The following BAZ2B variants were observed in gnomAD, a reference collection of about 807,000 sequenced individuals.
BAZ2B encodes the protein bromodomain adjacent to zinc finger domain protein 2B.
In BAZ2B, 91 loss-of-function variants were observed where a neutral mutation model predicts 246.0. The ratio of observed to expected loss-of-function variants is 0.37; its 90% confidence interval spans 0.31 to 0.44. BAZ2B has a LOEUF of 0.44. Ranked by LOEUF, BAZ2B falls within the 20% of genes least tolerant of loss-of-function variation. The probability of loss-of-function intolerance (pLI) is 1.00; values close to 1 mark genes in which losing one functional copy is unlikely to be tolerated. For synonymous variants in BAZ2B, 855 were observed against 860.0 expected (o/e 0.99, Z 0.10); for missense variants, 2,332 against 2,533.7 (o/e 0.92, Z 1.71).
At chr2:159,338,534 G>A (rs747170488) in intron 31 of BAZ2B, among the ~76,000 whole-genome samples, 1 of 152,148 alleles carries the variant, frequency 6.6e-6, no homozygotes, top group Non-Finnish European at 1.5e-5. Flanking sequence ...ATACATGTAT[G>A]TTGACTGAAC....
rs35253250 is a variant in BAZ2B, at chr2:159,553,392, C to CAAA, written c.-3+2428_-3+2430dup. Among the ~76,000 whole-genome samples, 74 of 73,776 alleles carry CAAA rather than the reference C, an allele frequency of 1.0e-3. 1 individual carries two copies. The highest frequency in any genetic ancestry group is 2.1e-3 in the African/African-American group (40 of 18,632). 48.4% of individuals were successfully genotyped at this position (73,776 alleles called of 152,430 possible). A position where few individuals can be genotyped will look rare whatever the true frequency, so the allele number is the denominator to read the frequency against. Reference sequence around the variant, plus strand: ...CCTGGGCAAGAGTGAGACTCTGTCTCAAAAAAAAAAAAAAAAAAAAAAAAG... The same window carrying CAAA: ...CCTGGGCAAGAGTGAGACTCTGTCTCAAAAAAAAAAAAAAAAAAAAAAAAAAAG... On this transcript the variant is annotated intron_variant, in intron 2 of 36. Coordinates refer to ENST00000392783, the MANE Select transcript of BAZ2B (RefSeq NM_013450.4).
chr2:159,365,934 A>G (rs528399184), intron 27 of BAZ2B, among the ~76,000 whole-genome samples: 1 of 152,352 alleles, frequency 6.6e-6, no homozygotes, highest in South Asian at 2.1e-4. Context: ...AATCCTCTGC[A>G]GCGATCCCAC....
chr2:159,604,932 T>TTGTGTGTGTGTG (rs144735173), intron 1 of BAZ2B, among the ~76,000 whole-genome samples: 112 of 123,376 alleles, frequency 9.1e-4, no homozygotes, highest in African/African-American at 2.0e-3. Context: ...TTAATATATT[T>TTGTGTGTGTGTG]TGTGTGTGTG....
rs1354661344 is a variant in BAZ2B, at chr2:159,319,731, T to C, written c.*534A>G. ...GTGTAAACAGTTTAACTTGGCTTTGTTTTATATTTTAAAACATTCCTTGTA... is the reference window on the plus strand; with the variant it reads ...GTGTAAACAGTTTAACTTGGCTTTGCTTTATATTTTAAAACATTCCTTGTA... On this transcript the variant is annotated 3_prime_UTR_variant, in exon 37 of 37. Transcript: ENST00000392783. The surrounding 1 kb of genome is among the most constrained non-coding windows in gnomAD (Gnocchi z 4.0). 2 of 152,660 alleles carry C rather than the reference T, an allele frequency of 1.3e-5. No individual in the cohort carries two copies. The highest frequency in any genetic ancestry group is 2.9e-5 in the Non-Finnish European group (2 of 68,038). The allele number at this position is 152,660 out of a possible 1,614,324, so 9.5% of individuals were successfully genotyped here.
At chr2:159,439,774 T>G (rs1428204842) in intron 6 of BAZ2B, among the ~76,000 whole-genome samples, 1 of 151,918 alleles carries the variant, frequency 6.6e-6, no homozygotes, top group Non-Finnish European at 1.5e-5. Context: ...GAAGATAAAG[T>G]AGGGTAGCAA....
At chr2:159,540,454 G>C (rs930549041) in intron 2 of BAZ2B, among the ~76,000 whole-genome samples, 2 of 152,174 alleles carry the variant, frequency 1.3e-5, no homozygotes, top group African/African-American at 2.4e-5. Context: ...TGTCTCATAA[G>C]ATCACCTCAG....
At chr2:159,405,331 C>A (rs1479338713) in intron 14 of BAZ2B, among the ~76,000 whole-genome samples, 2 of 152,162 alleles carry the variant, frequency 1.3e-5, no homozygotes, top group East Asian at 3.9e-4. Flanking sequence ...CCTGCCTCAG[C>A]CTCCCAAGTA....
At chr2:159,541,819 G>A (rs536958885) in intron 2 of BAZ2B, among the ~76,000 whole-genome samples, 1 of 152,126 alleles carries the variant, frequency 6.6e-6, no homozygotes, top group African/African-American at 2.4e-5. Context: ...ATTTCAGCCT[G>A]AAGATCTCCC....
intron 2 of BAZ2B, among the ~76,000 whole-genome samples, chr2:159,495,574 T>C (rs1178114931): frequency 6.6e-6 from 1 of 150,666 alleles, no homozygotes; most frequent in Non-Finnish European, 1.5e-5. Flanking sequence ...GAATCCAATA[T>C]TAATTATAGA....
At chr2:159,611,210 T>C (rs1014004604) in intron 1 of BAZ2B, among the ~76,000 whole-genome samples, 1 of 151,934 alleles carries the variant, frequency 6.6e-6, no homozygotes, top group Admixed American at 6.6e-5. Flanking sequence ...ACAGGATGTT[T>C]ATGTGTAGTA....
chr2:159,676,952 TTATATATATATATATATATATA>T, the BAZ2B span, among the ~76,000 whole-genome samples: 540 of 117,816 alleles, frequency 4.6e-3, 7 homozygotes, highest in African/African-American at 0.011. Flanking sequence ...AATAGTTTTG[TTATATATATATATATATATATA>T]TATATATATA....
intron 2 of BAZ2B, among the ~76,000 whole-genome samples, chr2:159,524,184 C>A (rs924820579): frequency 6.6e-6 from 1 of 152,048 alleles, no homozygotes; most frequent in Non-Finnish European, 1.5e-5. Flanking sequence ...TCTTGGGAGA[C>A]CAACGTGGGA....
the BAZ2B span, chr2:159,712,415 G>C: frequency 1.3e-5 from 2 of 152,996 alleles, no homozygotes; most frequent in Admixed American, 6.5e-5. Flanking sequence ...GCAGCTCTCG[G>C]TCCCCGCCGC....
At chr2:159,546,394 C>A (rs913463038) in intron 2 of BAZ2B, among the ~76,000 whole-genome samples, 5 of 151,066 alleles carry the variant, frequency 3.3e-5, no homozygotes, top group Admixed American at 1.3e-4. Context: ...CTGAGGTCTC[C>A]CCAGCCACGT....
chr2:159,482,194 A>C (rs1434837204), intron 2 of BAZ2B, among the ~76,000 whole-genome samples: 1 of 151,876 alleles, frequency 6.6e-6, no homozygotes, highest in African/African-American at 2.4e-5. Flanking sequence ...ATACATATGC[A>C]TTGAAGTTAA....
At chr2:159,551,951 A>G (rs1021277595) in intron 2 of BAZ2B, among the ~76,000 whole-genome samples, 1 of 152,202 alleles carries the variant, frequency 6.6e-6, no homozygotes, top group Non-Finnish European at 1.5e-5. Context: ...TAGAAAAGAA[A>G]AAATTGGGTC....
intron 3 of BAZ2B, among the ~76,000 whole-genome samples, chr2:159,474,145 T>C (rs1198407044): frequency 6.6e-6 from 1 of 151,936 alleles, no homozygotes; most frequent in Non-Finnish European, 1.5e-5. Context: ...TGATCTAATA[T>C]TGGAAGTGGG....
At chr2:159,362,166 GA>G (rs11354532) in intron 27 of BAZ2B, among the ~76,000 whole-genome samples, 115,617 of 151,582 alleles carry the variant, frequency 0.76, 45,199 homozygotes, top group Non-Finnish European at 0.87. Context: ...AACTGGACTG[GA>G]AAAAAAAATC....
chr2:159,634,628 C>T, the BAZ2B span, among the ~76,000 whole-genome samples: 2 of 152,158 alleles, frequency 1.3e-5, no homozygotes, highest in Non-Finnish European at 2.9e-5. Context: ...AATTTAGCAA[C>T]TGTGTGGTTT....
Sources: gnomAD v4.1 joint callset for allele counts (sites outside exome capture counted in the v4.1 genomes callset) on GRCh38, gnomAD v4.1.1 for gene constraint, Gnocchi (gnomAD v3.1) non-coding constraint, MANE v1.5 for transcripts, NCBI Gene and HGNC (gene_info 2026-07-23, HGNC 2026-07-21) for gene names.